The following R3HDM1 variants were observed in gnomAD, a reference collection of about 807,000 sequenced individuals.
R3HDM1 encodes R3H domain containing 1.
In R3HDM1, 46 loss-of-function variants were observed where a neutral mutation model predicts 141.1. The observed-to-expected ratio is 0.33, with a 90% CI of 0.26 to 0.42. The LOEUF (loss-of-function observed/expected upper bound fraction) is 0.42. Among genes scored for constraint, R3HDM1 ranks in the 10% least tolerant of loss-of-function variants. R3HDM1 has a pLI of 1.00. For missense variants in R3HDM1, 1,184 were observed against 1,368.3 expected (o/e 0.87, Z 2.12); for synonymous variants, 435 against 472.9 (o/e 0.92, Z 1.04).
intron 23 of R3HDM1, 70 bp from the exon 24 acceptor site, chr2:135,715,480 T>C (rs1395775747): frequency 6.7e-7 from 1 of 1,503,594 alleles, no homozygotes; most frequent in East Asian, 2.3e-5. Flanking sequence ...TACGTATATG[T>C]AATCAGGAAG....
In R3HDM1 at chr2:135,630,301, A is replaced by C. The variant is rs867931850; in HGVS notation, c.498-1417A>C. ...TCAACCAAAAAAAAAAAAAAAAAAA[A>C]AAAAAAACAAAAAAAAAACGAGATT... On this transcript the variant is annotated intron_variant, in intron 7 of 26. Transcript: ENST00000683871. Among the ~76,000 whole-genome samples the C allele has an allele frequency of 2.2e-3, 320 of 145,952 alleles. 7 individuals are homozygous for C. In the South Asian group the frequency reaches 0.023, roughly 10 times the overall value.
At position 135,531,554 on chromosome 2, in the gene R3HDM1, A is replaced by T. The variant is rs1393928509; in HGVS notation, c.-329A>T. ...GATGGGGTTAATTCCCTTTCGTAAG[A>T]CTCTTACTTGCACCCACCCAGCCCC... On this transcript the variant is annotated 5_prime_UTR_variant, in exon 1 of 27. Transcript: ENST00000683871. The T allele has an allele frequency of 1.0e-6, 1 of 983,924 alleles. No homozygotes were observed. The highest frequency in any genetic ancestry group is 1.2e-6 in the Non-Finnish European group (1 of 829,492). 60.9% of individuals were successfully genotyped at this position (983,924 alleles called of 1,614,324 possible). A position where few individuals can be genotyped will look rare whatever the true frequency, so the allele number is the denominator to read the frequency against.
chr2:135,596,626 G>A (rs186845074), intron 1 of R3HDM1, among the ~76,000 whole-genome samples: 55 of 152,054 alleles, frequency 3.6e-4, no homozygotes, highest in Middle Eastern at 6.8e-3. Context: ...TTTTATATAC[G>A]TTACATTTTA....
At chr2:135,584,112 G>C in intron 1 of R3HDM1, 1 of 918,120 alleles carries the variant, frequency 1.1e-6, no homozygotes, top group Non-Finnish European at 1.3e-6. Context: ...TGGATCACTT[G>C]AGGTCAGAAG....
chr2:135,581,231 G>T (rs1022072586), intron 1 of R3HDM1: 37 of 985,312 alleles, frequency 3.8e-5, no homozygotes, highest in Middle Eastern at 5.2e-4. Context: ...GATACTGTAT[G>T]AAGAAAGTGG....
chr2:135,565,350 A>G lies in R3HDM1; in HGVS notation c.-250+33717A>G, dbSNP rs1000212661. On this transcript the variant is annotated intron_variant, in intron 1 of 26. Coordinates refer to ENST00000683871, the MANE Select transcript of R3HDM1 (RefSeq NM_001378107.1). The stretch of plus-strand genomic sequence containing the variant: ...TATTATTATTATTATTATTATTATT[A>G]TTATTATTATTATTTTTAAATTTAA... Among the ~76,000 whole-genome samples the G allele has an allele frequency of 1.7e-4, 25 of 147,296 alleles. No homozygotes were observed. In the Admixed American group the frequency reaches 1.7e-3, roughly 10 times the overall value.
rs1417944702 is a variant in R3HDM1, at chr2:135,616,745, A to G, written c.291A>G (p.Ser97=). The G allele has an allele frequency of 6.2e-6, 10 of 1,602,446 alleles. No individual in the cohort carries two copies. Among genetic ancestry groups the G allele is most frequent in the Admixed American group, 1.7e-5 (1 of 59,388 alleles). Residue 97 remains serine, a synonymous_variant, in exon 5 of 27, where the codon TCA becomes TCG. Coordinates refer to ENST00000683871, the MANE Select transcript of R3HDM1 (RefSeq NM_001378107.1). ...ESPPPPAPEI[S]QENQEKIQIQ... ...CACCACCCCCTGCACCAGAGATATC[A>G]CAGGAGAACCAGGTAAAAAAGCAAA...
rs558539530 is a variant in R3HDM1 at position 135,595,501 on chromosome 2, C to T, written c.-249-6999C>T. Among the ~76,000 whole-genome samples, 34 of 152,344 alleles carry T rather than the reference C, an allele frequency of 2.2e-4. 1 individual carries two copies. The South Asian group carries it at 7.0e-3, about 32-fold the overall frequency. ...ACTTTGAAAAAGCTGCTTAATCTTCCTCTGCCTCAGCTGCAAACTATGTAA... is the reference window on the plus strand; with the variant it reads ...ACTTTGAAAAAGCTGCTTAATCTTCTTCTGCCTCAGCTGCAAACTATGTAA... On this transcript the variant is annotated intron_variant, in intron 1 of 26. Coordinates refer to ENST00000683871, the MANE Select transcript of R3HDM1 (RefSeq NM_001378107.1).
chr2:135,645,261 G>A lies in R3HDM1; in HGVS notation c.1475-118G>A, dbSNP rs1436899589. The A allele has an allele frequency of 5.8e-6, 5 of 866,726 alleles. No homozygotes were observed. In the East Asian group the frequency reaches 7.8e-5, roughly 14 times the overall value. The allele number at this position is 866,726 out of a possible 1,614,324, so 53.7% of individuals were successfully genotyped here. A position where few individuals can be genotyped will look rare whatever the true frequency, so the allele number is the denominator to read the frequency against. On this transcript the variant is annotated intron_variant, in intron 15 of 26. Coordinates refer to ENST00000683871, the MANE Select transcript of R3HDM1 (RefSeq NM_001378107.1). ...AGGAAATCTTTGTTTTCAAATATTA[G>A]GGTTTTTTTTTAATTGTGGTTAAAG...
At chr2:135,678,884 T>C (rs1450946423) in intron 20 of R3HDM1, among the ~76,000 whole-genome samples, 2 of 149,436 alleles carry the variant, frequency 1.3e-5, no homozygotes, top group East Asian at 2.0e-4. Context: ...CTCAGCCTCC[T>C]GAGTAACTGG....
intron 4 of R3HDM1, 107 bp from the exon 5 acceptor site, chr2:135,616,561 T>C (rs1484675546): frequency 1.1e-6 from 1 of 903,888 alleles, no homozygotes; most frequent in African/African-American, 1.7e-5. Flanking sequence ...CATCTACTGT[T>C]ATACATGGCA....
chr2:135,721,839 C>T (rs1374437067), intron 24 of R3HDM1, 85 bp from the exon 25 acceptor site: 2 of 1,188,464 alleles, frequency 1.7e-6, no homozygotes, highest in South Asian at 1.3e-5. Context: ...CCGCCTGCCT[C>T]AGCCTCCCAA....
At chr2:135,658,190 G>T (rs370619200) in intron 18 of R3HDM1, among the ~76,000 whole-genome samples, 1 of 151,938 alleles carries the variant, frequency 6.6e-6, no homozygotes, top group Non-Finnish European at 1.5e-5. Context: ...TTTTTGAGAC[G>T]GAGTCTCGCT....
chr2:135,651,772 C>T lies in R3HDM1; in HGVS notation c.1768C>T (p.Arg590Cys), dbSNP rs376375590. 7.0e-5 allele frequency: 113 copies of T among 1,613,738 alleles called. No homozygotes were observed. Among genetic ancestry groups the T allele is most frequent in the Non-Finnish European group, 8.6e-5 (102 of 1,179,874 alleles). Residue 590 changes from arginine to cysteine, a missense_variant, in exon 18 of 27, where the codon CGC becomes TGC. Transcript: ENST00000683871. ...GSQFSHMSLA[R>C]QPSADGSDPH... Reference sequence around the variant, plus strand: ...TCAGTTTAGCCACATGAGTCTTGCTCGCCAGCCATCTGCTGATGGTTCTGA... The same window carrying T: ...TCAGTTTAGCCACATGAGTCTTGCTTGCCAGCCATCTGCTGATGGTTCTGA...
At chr2:135,694,546 G>A (rs916824454) in intron 21 of R3HDM1, among the ~76,000 whole-genome samples, 2 of 152,188 alleles carry the variant, frequency 1.3e-5, no homozygotes, top group Admixed American at 1.3e-4. Context: ...GTAGTTTCTA[G>A]ATATTGGACA....
At chr2:135,593,441 CT>C (rs1175664190) in intron 1 of R3HDM1, among the ~76,000 whole-genome samples, 28 of 152,300 alleles carry the variant, frequency 1.8e-4, no homozygotes, top group African/African-American at 5.5e-4. Flanking sequence ...ATGGCCCTGA[CT>C]TTCTTGCATT....
chr2:135,660,563 C>A (rs754722934), intron 18 of R3HDM1, among the ~76,000 whole-genome samples: 51 of 151,876 alleles, frequency 3.4e-4, no homozygotes, highest in Admixed American at 8.5e-4. Context: ...TTAAAATACT[C>A]GCCCAGGCTC....
chr2:135,624,258 G>A (rs1271587102), intron 7 of R3HDM1, among the ~76,000 whole-genome samples: 1 of 152,120 alleles, frequency 6.6e-6, no homozygotes, highest in Non-Finnish European at 1.5e-5. Context: ...AGCTGGGTGT[G>A]GTGGCGGGTG....
chr2:135,685,990 GAAAA>G (rs915430454), intron 21 of R3HDM1, among the ~76,000 whole-genome samples: 1 of 148,986 alleles, frequency 6.7e-6, no homozygotes, highest in Non-Finnish European at 1.5e-5. Context: ...CTGTAATTCA[GAAAA>G]AAAAAGGGTT....
Sources: allele counts gnomAD v4.1 joint callset (sites outside exome capture counted in the v4.1 genomes callset), GRCh38; gene constraint gnomAD v4.1.1; transcripts MANE v1.5; gene names NCBI Gene and HGNC (gene_info 2026-07-23, HGNC 2026-07-21).